PPM1E: variants seen among roughly 807,000 people sequenced by gnomAD.
The protein encoded by PPM1E is protein phosphatase, Mg2+/Mn2+ dependent 1E.
Under a neutral mutation model 65.9 loss-of-function variants are expected in PPM1E, and 20 were observed. The ratio of observed to expected loss-of-function variants is 0.30; its 90% CI spans 0.21 to 0.44. PPM1E has a LOEUF of 0.44. PPM1E is among the 20% of genes least tolerant of loss of function. The probability of loss-of-function intolerance (pLI) is 1.00; values close to 1 mark genes in which losing one functional copy is unlikely to be tolerated. For synonymous variants in PPM1E, 352 were observed against 374.9 expected, an observed-to-expected ratio of 0.94 and a Z score of 0.70; for missense variants, 713 against 953.1, an observed-to-expected ratio of 0.75 and a Z score of 3.32.
At chr17:58,873,967 C>G (rs1340953693) in intron 1 of PPM1E, among the ~76,000 whole-genome samples, 1 of 151,940 alleles carries the variant, frequency 6.6e-6, no homozygotes, top group African/African-American at 2.4e-5. Context: ...CAAATGAGAA[C>G]CAACAGAATT....
intron 6 of PPM1E, among the ~76,000 whole-genome samples, 191 bp from the exon 7 acceptor site, chr17:58,979,783 G>T (rs2031254743): frequency 1.2e-4 from 19 of 152,184 alleles, no homozygotes. Flanking sequence ...TTAACTGGGA[G>T]TAAGGAGTAA....
At chr17:58,891,241 C>T (rs898565760) in intron 1 of PPM1E, among the ~76,000 whole-genome samples, 2 of 152,172 alleles carry the variant, frequency 1.3e-5, no homozygotes, top group Admixed American at 1.3e-4. Context: ...TTTGGGATTA[C>T]AGGCATGAGC....
intron 1 of PPM1E, among the ~76,000 whole-genome samples, chr17:58,918,960 T>C (rs1196518892): frequency 6.6e-6 from 1 of 152,160 alleles, no homozygotes; most frequent in Non-Finnish European, 1.5e-5. Context: ...TTTTATGAGC[T>C]ACAGTTATGA....
At chr17:58,830,376 C>T (rs11868263) in intron 1 of PPM1E, among the ~76,000 whole-genome samples, 44,843 of 151,298 alleles carry the variant, frequency 0.3, 7,209 homozygotes, top group Admixed American at 0.44. Flanking sequence ...GGCGCAGTCT[C>T]GGCTCACTGC....
chr17:58,771,258 A>G (rs1281106959), intron 1 of PPM1E, among the ~76,000 whole-genome samples: 1 of 152,080 alleles, frequency 6.6e-6, no homozygotes, highest in African/African-American at 2.4e-5. Flanking sequence ...TATAGGTTCC[A>G]TGCATATATG....
intron 1 of PPM1E, among the ~76,000 whole-genome samples, chr17:58,834,740 AT>A (rs777624394): frequency 2.0e-5 from 3 of 151,966 alleles, no homozygotes; most frequent in Non-Finnish European, 4.4e-5. Context: ...TTTTTGTTCT[AT>A]TGATCTGTGT....
At chr17:58,816,770 ATATATATATATATATATATATATAT>A (rs1446987955) in intron 1 of PPM1E, among the ~76,000 whole-genome samples, 296 of 23,794 alleles carry the variant, frequency 0.012, 14 homozygotes, top group Non-Finnish European at 0.016. Flanking sequence ...ATATATATAT[ATATATATATATATATATATATATAT>A]TTTTTTTTTT....
In PPM1E at chr17:58,792,628, C is replaced by T. The variant is rs557840150; in HGVS notation, c.464+36167C>T. ...AAGTGCTGAATGCTGGGACTACAAG[C>T]GTGAGCCACTGTGCCTGGCTCATAT... On this transcript the variant is annotated intron_variant, in intron 1 of 6. Coordinates refer to ENST00000308249, the MANE Select transcript of PPM1E (RefSeq NM_014906.5). Among the ~76,000 whole-genome samples, 5 of 151,222 alleles carry T rather than the reference C, an allele frequency of 3.3e-5. No individual in the cohort carries two copies. In the South Asian group the frequency reaches 6.3e-4, roughly 19 times the overall value.
rs2051702855 is a variant in PPM1E, at chr17:58,982,258, C to G, written c.*1227C>G. ...TTTAGTTATATTTGATATTTTGAAA[C>G]TGTCTGCTTTTTGCTATTTCTGCAG... On this transcript the variant is annotated 3_prime_UTR_variant, in exon 7 of 7. Coordinates refer to ENST00000308249, the MANE Select transcript of PPM1E (RefSeq NM_014906.5). The G allele has an allele frequency of 6.6e-6, 1 of 152,518 alleles. No homozygotes were observed. The highest frequency in any genetic ancestry group is 2.1e-4 in the South Asian group (1 of 4,834). 9.4% of individuals were successfully genotyped at this position (152,518 alleles called of 1,614,324 possible).
chr17:58,756,322 C>T lies in PPM1E; in HGVS notation c.325C>T (p.Pro109Ser). The T allele has an allele frequency of 1.4e-6, 2 of 1,475,526 alleles. No individual in the cohort carries two copies. Among genetic ancestry groups the T allele is most frequent in the South Asian group, 1.4e-5 (1 of 72,666 alleles). The allele number at this position is 1,475,526 out of a possible 1,614,324, so 91.4% of individuals were successfully genotyped here. A position where few individuals can be genotyped will look rare whatever the true frequency, so the allele number is the denominator to read the frequency against. ...EEGAATAAAA[P>S]GHSAVPPPPP... is the part of the protein sequence containing the mutation. ...GGGCGCGGCGACGGCGGCGGCAGCC[C>T]CGGGGCACTCGGCCGTGCCGCCGCC... The change falls in exon 1 of 7, where the codon CCG becomes TCG. Residue 109 changes from proline (P) to serine (S), a missense_variant. By Grantham distance (74) the Pro-to-Ser change is moderately conservative. Coordinates refer to ENST00000308249, the MANE Select transcript of PPM1E (RefSeq NM_014906.5).
At position 58,820,457 on chromosome 17, in the gene PPM1E, T is replaced by A. The variant is rs571937711; in HGVS notation, c.464+63996T>A. Among the ~76,000 whole-genome samples the A allele has an allele frequency of 8.5e-5, 13 of 152,334 alleles. No individual in the cohort carries two copies. In the East Asian group the frequency reaches 2.5e-3, roughly 29 times the overall value. ...AAGAAGATAATAATAATACATGTGATGTGCTAAGCCATGTTCAGGACCCAT... is the reference window on the plus strand; with the variant it reads ...AAGAAGATAATAATAATACATGTGAAGTGCTAAGCCATGTTCAGGACCCAT... On this transcript the variant is annotated intron_variant, in intron 1 of 6. Transcript: ENST00000308249.
At chr17:58,900,532 A>C (rs1345144858) in intron 1 of PPM1E, among the ~76,000 whole-genome samples, 1 of 152,236 alleles carries the variant, frequency 6.6e-6, no homozygotes, top group African/African-American at 2.4e-5. Flanking sequence ...TGTACACTTA[A>C]TAGACTACAG....
chr17:58,973,225 G>T (rs2030754396), intron 6 of PPM1E, among the ~76,000 whole-genome samples: 1 of 151,848 alleles, frequency 6.6e-6, no homozygotes, highest in East Asian at 1.9e-4. Context: ...AGACCAGCCT[G>T]GCCAACATAG....
chr17:58,963,454 C>T (rs192114468), intron 2 of PPM1E, among the ~76,000 whole-genome samples: 27 of 150,738 alleles, frequency 1.8e-4, no homozygotes, highest in Admixed American at 6.6e-5. Flanking sequence ...TTTGGGAGGC[C>T]GAGGCGGGTG....
At chr17:58,821,195 CT>C (rs1278128571) in intron 1 of PPM1E, among the ~76,000 whole-genome samples, 2 of 152,142 alleles carry the variant, frequency 1.3e-5, no homozygotes, top group African/African-American at 4.8e-5. Flanking sequence ...ACTGCAAGCT[CT>C]GCCTCCCGGG....
At chr17:58,777,300 A>G (rs530720751) in intron 1 of PPM1E, among the ~76,000 whole-genome samples, 1 of 152,310 alleles carries the variant, frequency 6.6e-6, no homozygotes, top group East Asian at 1.9e-4. Context: ...TTTATTTTCA[A>G]TGCAAATTTG....
At chr17:58,808,968 A>C (rs918706723) in intron 1 of PPM1E, among the ~76,000 whole-genome samples, 2 of 152,168 alleles carry the variant, frequency 1.3e-5, no homozygotes, top group African/African-American at 4.8e-5. Context: ...CTAACTTCTC[A>C]CCTGGATTGT....
At chr17:58,807,982 T>G (rs1162805418) in intron 1 of PPM1E, among the ~76,000 whole-genome samples, 1 of 152,220 alleles carries the variant, frequency 6.6e-6, no homozygotes, top group Non-Finnish European at 1.5e-5. Flanking sequence ...GATGTTTTGG[T>G]ATTACCTGGT....
At chr17:58,901,607 C>T (rs1340421136) in intron 1 of PPM1E, among the ~76,000 whole-genome samples, 6 of 151,914 alleles carry the variant, frequency 3.9e-5, no homozygotes, top group East Asian at 1.9e-4. Flanking sequence ...CCTGGGAGGC[C>T]GAGGTTGCAG....
Sources: allele counts gnomAD v4.1 joint callset (sites outside exome capture counted in the v4.1 genomes callset), GRCh38; gene constraint gnomAD v4.1.1; transcripts MANE v1.5; gene names NCBI Gene and HGNC (gene_info 2026-07-23, HGNC 2026-07-21).